Variants in COL4A5 observed in about 807,000 individuals in gnomAD.
COL4A5 encodes the protein collagen alpha-5(IV) chain.
Under a neutral mutation model 130.2 loss-of-function variants are expected in COL4A5, and 26 were observed. The observed-to-expected ratio is 0.20, with a 90% CI of 0.15 to 0.28. The LOEUF (loss-of-function observed/expected upper bound fraction) is 0.28. COL4A5 is among the 10% of genes least tolerant of loss of function. The probability of loss-of-function intolerance (pLI) is 1.00; values close to 1 mark genes in which losing one functional copy is unlikely to be tolerated. For missense variants in COL4A5, 1,131 were observed against 1,344.3 expected (o/e 0.84, Z 2.48); for synonymous variants, 496 against 439.6 (o/e 1.13, Z -1.60).
At chrX:108,561,404 G>A (rs1015352734) in intron 3 of COL4A5, among the ~76,000 whole-genome samples, 2 of 111,208 alleles carry the variant, frequency 1.8e-5, no homozygotes, top group Admixed American at 9.5e-5. Flanking sequence ...TCTTTTGACT[G>A]CCATGTGGGC....
At chrX:108,607,950 A>C (rs2066764679) in intron 29 of COL4A5, among the ~76,000 whole-genome samples, 1 of 111,805 alleles carries the variant, frequency 8.9e-6, no homozygotes, top group African/African-American at 3.3e-5. Context: ...AATTGCGTGG[A>C]TATACCATAG....
intron 1 of COL4A5, among the ~76,000 whole-genome samples, chrX:108,536,648 C>T (rs929633249): frequency 9.0e-6 from 1 of 111,281 alleles, no homozygotes; most frequent in Non-Finnish European, 1.9e-5. Flanking sequence ...AAGTTGAAGT[C>T]CAGGTATTCA....
At chrX:108,573,980 G>A (rs962737200) in intron 9 of COL4A5, among the ~76,000 whole-genome samples, 16 of 110,908 alleles carry the variant, frequency 1.4e-4, no homozygotes, top group African/African-American at 5.2e-4. Flanking sequence ...AAAAATTATG[G>A]AAGTCCCATT....
chrX:108,664,495 G>A (rs139921450), intron 37 of COL4A5, among the ~76,000 whole-genome samples: 3,272 of 111,609 alleles, frequency 0.029, 122 homozygotes, highest in African/African-American at 0.1. Flanking sequence ...AGATATTTCC[G>A]TGACTTGGCA....
At chrX:108,538,372 G>A (rs911958600) in intron 1 of COL4A5, among the ~76,000 whole-genome samples, 8 of 112,068 alleles carry the variant, frequency 7.1e-5, no homozygotes, top group Non-Finnish European at 1.1e-4. Flanking sequence ...TGTTTGACGT[G>A]TCAGGAGCAC....
chrX:108,577,389 A>AG (rs1281970249), intron 10 of COL4A5, among the ~76,000 whole-genome samples: 3 of 106,520 alleles, frequency 2.8e-5, no homozygotes, highest in South Asian at 4.1e-4. Context: ...AAAAAAAAAA[A>AG]AAAGAAAGAA....
In COL4A5 at chrX:108,573,669, A is replaced by T. The variant is rs201859878; in HGVS notation, c.546+15A>T. 34 of 1,128,614 alleles carry T rather than the reference A, an allele frequency of 3.0e-5. No homozygotes were observed. In the African/African-American group the frequency reaches 5.0e-4, roughly 17 times the overall value. 93.0% of individuals were successfully genotyped at this position (1,128,614 alleles called of 1,213,427 possible). On this transcript the variant is annotated intron_variant, in intron 9 of 52. Transcript: ENST00000328300. ...CTGGAATACAAGTAAGTATCCAGTG[A>T]TTTTCTTTTTTTGCTATATTGATTA...
At chrX:108,673,735 TATAATA>T (rs758392388) in intron 42 of COL4A5, among the ~76,000 whole-genome samples, 13 of 106,288 alleles carry the variant, frequency 1.2e-4, no homozygotes, top group Admixed American at 2.1e-4. Context: ...ATAATAATAA[TATAATA>T]ATAATAATAA....
At chrX:108,674,850 C>T in intron 43 of COL4A5, 97 bp downstream of exon 43, 1 of 843,397 alleles carries the variant, frequency 1.2e-6, no homozygotes, top group Non-Finnish European at 1.7e-6. Context: ...ATTCAGAAGT[C>T]ATTGGAGAGT....
At chrX:108,669,625 A>C (rs2068157740) in intron 41 of COL4A5, among the ~76,000 whole-genome samples, 1 of 112,142 alleles carries the variant, frequency 8.9e-6, no homozygotes, top group Admixed American at 9.4e-5. Context: ...TGAAGCAAGT[A>C]TCTTGCTTGG....
chrX:108,678,650 G>T (rs753198912), intron 44 of COL4A5, among the ~76,000 whole-genome samples: 1 of 111,492 alleles, frequency 9.0e-6, no homozygotes, highest in Admixed American at 9.6e-5. Context: ...AGGGTTGCTT[G>T]AGGCCAGGAA....
At chrX:108,621,399 G>A (rs1406556475) in intron 31 of COL4A5, among the ~76,000 whole-genome samples, 1 of 108,886 alleles carries the variant, frequency 9.2e-6, no homozygotes, top group Non-Finnish European at 1.9e-5. Flanking sequence ...TCCTGTCCTC[G>A]AGCAATCCTC....
At chrX:108,649,004 C>T (rs1405940655) in intron 36 of COL4A5, among the ~76,000 whole-genome samples, 1 of 111,462 alleles carries the variant, frequency 9.0e-6, no homozygotes, top group Non-Finnish European at 1.9e-5. Flanking sequence ...AAATACTCCT[C>T]CAGAAAGCTG....
chrX:108,591,440 T>C, intron 20 of COL4A5, 121 bp from the exon 21 acceptor site: 2 of 669,953 alleles, frequency 3.0e-6, no homozygotes, highest in South Asian at 2.5e-5. Context: ...ATTTTCCTTT[T>C]GCTTATAGGT....
chrX:108,555,647 A>G (rs1024996140), intron 2 of COL4A5, among the ~76,000 whole-genome samples: 2 of 110,606 alleles, frequency 1.8e-5, no homozygotes, highest in South Asian at 3.8e-4. Flanking sequence ...TTCCTGTTTA[A>G]TTTTTCTTCC....
chrX:108,689,561 C>CG (rs1463217606), intron 49 of COL4A5: 1 of 752,780 alleles, frequency 1.3e-6, no homozygotes, highest in Admixed American at 8.8e-5. Flanking sequence ...AAGGCCATGA[C>CG]GGAGCCCAAG....
intron 36 of COL4A5, among the ~76,000 whole-genome samples, chrX:108,628,755 A>G (rs2067198631): frequency 8.9e-6 from 1 of 111,844 alleles, no homozygotes; most frequent in Non-Finnish European, 1.9e-5. Context: ...AAATTTTTAC[A>G]TAGGCAAATT....
At chrX:108,502,378 C>T (rs572477187) in intron 1 of COL4A5, among the ~76,000 whole-genome samples, 3 of 111,155 alleles carry the variant, frequency 2.7e-5, no homozygotes, top group African/African-American at 6.5e-5. Context: ...CTCTGCCTCC[C>T]GGGTTCAAGT....
At chrX:108,490,739 A>G (rs910263333) in intron 1 of COL4A5, among the ~76,000 whole-genome samples, 3 of 110,995 alleles carry the variant, frequency 2.7e-5, no homozygotes, top group African/African-American at 6.6e-5. Flanking sequence ...ACATATTATT[A>G]CATCACCCAT....
Sources: allele counts gnomAD v4.1 joint callset (sites outside exome capture counted in the v4.1 genomes callset), GRCh38; gene constraint gnomAD v4.1.1; transcripts MANE v1.5; gene names NCBI Gene and HGNC (gene_info 2026-07-23, HGNC 2026-07-21).